The following MSN variants were observed in gnomAD, a reference collection of about 807,000 sequenced individuals.
MSN encodes epididymis luminal protein 70.
In MSN, 2 loss-of-function variants were observed where a neutral mutation model predicts 48.0. The observed-to-expected ratio is 0.04, with a 90% CI of 0.02 to 0.13. MSN has a LOEUF of 0.13. Among genes scored for constraint, MSN ranks in the 10% least tolerant of loss-of-function variants. MSN has a pLI of 1.00. For missense variants in MSN, 267 were observed against 470.1 expected, an observed-to-expected ratio of 0.57 and a Z score of 3.99; for synonymous variants, 146 against 166.9, an observed-to-expected ratio of 0.87 and a Z score of 0.97.
At chrX:65,633,381 G>T (rs1004918799) in intron 1 of MSN, among the ~76,000 whole-genome samples, 1 of 112,012 alleles carries the variant, frequency 8.9e-6, no homozygotes, top group African/African-American at 3.2e-5. Context: ...AGCTCTTTAT[G>T]CATTAGGCAT....
At chrX:65,708,674 A>G (rs2071385886) in intron 1 of MSN, among the ~76,000 whole-genome samples, 1 of 108,659 alleles carries the variant, frequency 9.2e-6, no homozygotes, top group Admixed American at 1.0e-4. Context: ...AAATGACAGG[A>G]TTTTTATTTA....
intron 1 of MSN, among the ~76,000 whole-genome samples, chrX:65,653,450 A>T (rs191637297): frequency 6.6e-4 from 74 of 111,465 alleles, no homozygotes; most frequent in African/African-American, 2.2e-3. Flanking sequence ...TCTCAGAAAA[A>T]AAATAATGTT....
In MSN at chrX:65,675,270, C is replaced by T. The variant is rs1048016784; in HGVS notation, c.12+7417C>T. On this transcript the variant is annotated intron_variant, in intron 1 of 12. Coordinates refer to ENST00000360270, the MANE Select transcript of MSN (RefSeq NM_002444.3). Reference sequence around the variant, plus strand: ...GATTTAGGGCTAATTCACTTAAAAACGGCTTGAGAAAAATATATACTTTGC... The same window carrying T: ...GATTTAGGGCTAATTCACTTAAAAATGGCTTGAGAAAAATATATACTTTGC... Among the ~76,000 whole-genome samples the T allele has an allele frequency of 3.3e-4, 37 of 111,816 alleles. 1 individual carries two copies. The highest frequency in any genetic ancestry group is 1.1e-3 in the African/African-American group (33 of 30,734).
chrX:65,663,355 C>A (rs1417494102), upstream of MSN, among the ~76,000 whole-genome samples: 1 of 110,420 alleles, frequency 9.1e-6, no homozygotes, highest in Non-Finnish European at 1.9e-5. Context: ...TGCCTATCAT[C>A]ACTCACCATC....
intron 1 of MSN, among the ~76,000 whole-genome samples, chrX:65,607,745 G>T (rs1005518968): frequency 9.0e-6 from 1 of 110,767 alleles, no homozygotes; most frequent in Non-Finnish European, 1.9e-5. Flanking sequence ...TTCCAATTCT[G>T]CCCTATCCTG....
chrX:65,684,431 A>G (rs771286137), intron 1 of MSN, among the ~76,000 whole-genome samples: 17 of 109,333 alleles, frequency 1.6e-4, no homozygotes, highest in Middle Eastern at 4.7e-3. Flanking sequence ...TAAACATTAA[A>G]ATCTTTTTTT....
At chrX:65,615,404 G>C (rs1305492970) in intron 1 of MSN, among the ~76,000 whole-genome samples, 1 of 110,090 alleles carries the variant, frequency 9.1e-6, no homozygotes, top group East Asian at 2.8e-4. Flanking sequence ...ATTCTAACAG[G>C]TGTGAGATGG....
intron 1 of MSN, among the ~76,000 whole-genome samples, chrX:65,623,323 G>A (rs2070470342): frequency 9.5e-6 from 1 of 104,809 alleles, no homozygotes; most frequent in East Asian, 2.9e-4. Flanking sequence ...GTTTCATAAG[G>A]GATGTTAGCC....
At chrX:65,695,255 C>T (rs893871209) in intron 1 of MSN, among the ~76,000 whole-genome samples, 1 of 110,685 alleles carries the variant, frequency 9.0e-6, no homozygotes, top group African/African-American at 3.3e-5. Flanking sequence ...AATCCCAGCA[C>T]TTTGGGAGGC....
At chrX:65,733,099 A>T in intron 6 of MSN, 85 bp from the exon 7 acceptor site, 1 of 606,966 alleles carries the variant, frequency 1.6e-6, no homozygotes, top group Non-Finnish European at 2.6e-6. Flanking sequence ...AGAAGCTTGG[A>T]GGTGACAGTG....
chrX:65,708,249 T>C (rs2071381168), intron 1 of MSN, among the ~76,000 whole-genome samples: 1 of 111,842 alleles, frequency 8.9e-6, no homozygotes, highest in Non-Finnish European at 1.9e-5. Context: ...ATACAATATA[T>C]AGTGATCAGA....
chrX:65,638,803 C>T (rs1317900127), intron 1 of MSN, among the ~76,000 whole-genome samples: 1 of 112,615 alleles, frequency 8.9e-6, no homozygotes, highest in Non-Finnish European at 1.9e-5. Flanking sequence ...ATCCACCCGC[C>T]TCAGCCTCCC....
intron 1 of MSN, among the ~76,000 whole-genome samples, chrX:65,684,117 T>G (rs2071087467): frequency 9.1e-6 from 1 of 110,404 alleles, no homozygotes; most frequent in African/African-American, 3.3e-5. Flanking sequence ...ATTTTTTCTA[T>G]TTTTAGTAGA....
At chrX:65,628,694 A>T (rs1204652848) in intron 1 of MSN, among the ~76,000 whole-genome samples, 1 of 111,274 alleles carries the variant, frequency 9.0e-6, no homozygotes, top group Admixed American at 9.5e-5. Flanking sequence ...ATTTGTCCTT[A>T]AAAAAAATGT....
intron 1 of MSN, among the ~76,000 whole-genome samples, chrX:65,658,475 CAGA>C (rs995054516): frequency 3.6e-5 from 4 of 112,432 alleles, no homozygotes; most frequent in African/African-American, 1.3e-4. Flanking sequence ...CTGAGTGAAA[CAGA>C]AGGACTTTCC....
At chrX:65,600,781 A>T (rs2070229005) in intron 1 of MSN, 1 of 111,815 alleles carries the variant, frequency 8.9e-6, no homozygotes, top group African/African-American at 3.3e-5. Flanking sequence ...GTCTTAAAGG[A>T]CCCCACAACC....
intron 1 of MSN, among the ~76,000 whole-genome samples, chrX:65,645,461 C>G (rs928147407): frequency 4.3e-5 from 4 of 92,318 alleles, no homozygotes; most frequent in Middle Eastern, 5.1e-3. Context: ...CAAAGCATTG[C>G]GGGGGCACAG....
intron 1 of MSN, among the ~76,000 whole-genome samples, chrX:65,705,602 A>G (rs1365526826): frequency 1.8e-5 from 2 of 112,347 alleles, no homozygotes; most frequent in African/African-American, 3.2e-5. Context: ...CTAACTTGCT[A>G]AAGTGACATC....
At chrX:65,732,685 C>T (rs1395324137) in intron 6 of MSN, among the ~76,000 whole-genome samples, 1 of 112,280 alleles carries the variant, frequency 8.9e-6, no homozygotes, top group Non-Finnish European at 1.9e-5. Flanking sequence ...TACTTTCTCT[C>T]AAACTTTTGT....
Sources: gnomAD v4.1 joint callset for allele counts (sites outside exome capture counted in the v4.1 genomes callset) on GRCh38, gnomAD v4.1.1 for gene constraint, MANE v1.5 for transcripts, NCBI Gene and HGNC (gene_info 2026-07-23, HGNC 2026-07-21) for gene names.